Variants in CNOT10 observed in about 807,000 individuals in gnomAD.
CNOT10 encodes the protein CCR4-NOT transcription complex subunit 10.
Under a neutral mutation model 94.6 loss-of-function variants are expected in CNOT10, and 30 were observed. The ratio of observed to expected loss-of-function variants is 0.32; its 90% CI spans 0.24 to 0.43. CNOT10 has a LOEUF of 0.43. CNOT10 is among the 20% of genes least tolerant of loss of function. The pLI is 1.00. For missense variants in CNOT10, 759 were observed against 877.2 expected (o/e 0.87, Z 1.70); for synonymous variants, 289 against 301.6 (o/e 0.96, Z 0.43).
chr3:32,714,235 T>TA (rs2125536047), intron 5 of CNOT10, among the ~76,000 whole-genome samples: 1 of 152,258 alleles, frequency 6.6e-6, no homozygotes, highest in South Asian at 2.1e-4. Flanking sequence ...GGTATCTTGT[T>TA]ACAGTTTTGA....
At chr3:32,734,122 A>C (rs1029373511) in intron 11 of CNOT10, among the ~76,000 whole-genome samples, 5 of 152,210 alleles carry the variant, frequency 3.3e-5, no homozygotes, top group African/African-American at 1.2e-4. Context: ...AAGTTTTTCC[A>C]CAGTTTAAAA....
At chr3:32,717,673 C>T (rs1698183769) in intron 7 of CNOT10, among the ~76,000 whole-genome samples, 1 of 152,082 alleles carries the variant, frequency 6.6e-6, no homozygotes, top group Non-Finnish European at 1.5e-5. Context: ...CAAGACCAGC[C>T]TGGTCAACAT....
chr3:32,724,657 C>T (rs909911212), intron 8 of CNOT10, among the ~76,000 whole-genome samples: 1 of 152,138 alleles, frequency 6.6e-6, no homozygotes, highest in African/African-American at 2.4e-5. Context: ...CGTGATCCGC[C>T]CACCTCGGCC....
intron 13 of CNOT10, among the ~76,000 whole-genome samples, chr3:32,747,546 CTTTTTTTTTTGTCTTTT>C (rs1699753359): frequency 6.8e-6 from 1 of 147,648 alleles, no homozygotes; most frequent in Non-Finnish European, 1.5e-5. Context: ...ATATTTCTTC[CTTTTTTTTTTGTCTTTT>C]ACAAAAAAAT....
At chr3:32,729,664 G>T (rs1186287528) in intron 10 of CNOT10, among the ~76,000 whole-genome samples, 1 of 150,998 alleles carries the variant, frequency 6.6e-6, no homozygotes, top group Non-Finnish European at 1.5e-5. Context: ...GTCTTTGAAA[G>T]ACTTTAATGA....
At chr3:32,704,070 A>G (rs1697500056) in intron 2 of CNOT10, 108 bp downstream of exon 2, 2 of 621,042 alleles carry the variant, frequency 3.2e-6, no homozygotes, top group Admixed American at 3.3e-5. Context: ...AATAATTCAA[A>G]AGTTAATTTA....
At chr3:32,715,078 A>ATAATT (rs1452568453) in intron 5 of CNOT10, among the ~76,000 whole-genome samples, 2 of 152,238 alleles carry the variant, frequency 1.3e-5, no homozygotes, top group East Asian at 1.9e-4. Flanking sequence ...TTGATTAAAT[A>ATAATT]TAATTTAATT....
chr3:32,764,954 A>C, intron 17 of CNOT10, 145 bp downstream of exon 17: 1 of 1,501,660 alleles, frequency 6.7e-7, no homozygotes, highest in Non-Finnish European at 8.9e-7. Context: ...ATATTCTTGC[A>C]AGGTAAACAA....
At chr3:32,718,374 G>A (rs968387776) in intron 7 of CNOT10, among the ~76,000 whole-genome samples, 1 of 149,476 alleles carries the variant, frequency 6.7e-6, no homozygotes, top group African/African-American at 2.5e-5. Flanking sequence ...CACGAGGTCA[G>A]GAGATCGAGA....
rs1700593260 is a variant in CNOT10 at position 32,764,728 on chromosome 3, C to G, written c.1923C>G (p.Ala641=). 2 of 1,614,130 alleles carry G rather than the reference C, an allele frequency of 1.2e-6. No individual in the cohort carries two copies. The highest frequency in any genetic ancestry group is 1.7e-6 in the Non-Finnish European group (2 of 1,180,018). The change falls in exon 17 of 19, where the codon GCC becomes GCG. Residue 641 remains alanine, a synonymous_variant. Coordinates refer to ENST00000328834, the MANE Select transcript of CNOT10 (RefSeq NM_015442.3). ...PQCYPSSVNS[A]RTVMLFNLGS... The stretch of plus-strand genomic sequence containing the variant: ...GCTACCCCAGTTCCGTCAACTCTGC[C>G]AGGACTGTGATGCTGTTCAACCTTG...
At chr3:32,706,977 T>A (rs1166343917) in intron 3 of CNOT10, among the ~76,000 whole-genome samples, 1 of 152,228 alleles carries the variant, frequency 6.6e-6, no homozygotes, top group Non-Finnish European at 1.5e-5. Context: ...AAATTTACAA[T>A]TCATTGTGTG....
chr3:32,739,281 C>G (rs953849633), intron 13 of CNOT10, among the ~76,000 whole-genome samples: 3 of 152,314 alleles, frequency 2.0e-5, no homozygotes, highest in South Asian at 2.1e-4. Context: ...TAGCAATTTA[C>G]ATATTGGATT....
At chr3:32,746,862 T>C (rs541909883) in intron 13 of CNOT10, among the ~76,000 whole-genome samples, 2 of 132,776 alleles carry the variant, frequency 1.5e-5, no homozygotes, top group Non-Finnish European at 1.6e-5. Context: ...AAAAAAGATA[T>C]GCACTCCTAT....
intron 13 of CNOT10, among the ~76,000 whole-genome samples, chr3:32,758,587 A>C (rs1700311574): frequency 6.6e-6 from 1 of 152,236 alleles, no homozygotes. Flanking sequence ...TAATTTGTAA[A>C]CATAACTCAA....
In CNOT10 at chr3:32,734,821, T is replaced by G; in HGVS notation, c.1359T>G (p.Ile453Met). The G allele has an allele frequency of 6.2e-7, 1 of 1,611,296 alleles. No individual in the cohort carries two copies. Among genetic ancestry groups the G allele is most frequent in the Non-Finnish European group, 8.5e-7 (1 of 1,178,126 alleles). ...TAAGTGATGGGCAGTCTTCGGCCAT[T>G]CCTGTAGCCAGTATGGAGTTTGCAG... ...TVYNDGQSSA[I>M]PVASMEFAAI... is the part of the protein sequence containing the mutation. Residue 453 changes from isoleucine (I) to methionine (M), a missense_variant, in exon 12 of 19, where the codon ATT becomes ATG. Coordinates refer to ENST00000328834, the MANE Select transcript of CNOT10 (RefSeq NM_015442.3).
At chr3:32,709,128 A>G (rs930127907) in intron 4 of CNOT10, among the ~76,000 whole-genome samples, 1 of 152,212 alleles carries the variant, frequency 6.6e-6, no homozygotes, top group African/African-American at 2.4e-5. Flanking sequence ...TTACTTTAGT[A>G]CATTAAGGAA....
chr3:32,721,296 A>T (rs1342852017), intron 8 of CNOT10, among the ~76,000 whole-genome samples: 1 of 151,308 alleles, frequency 6.6e-6, no homozygotes, highest in Non-Finnish European at 1.5e-5. Flanking sequence ...TCCTGACCTC[A>T]AGTGACCCGC....
intron 12 of CNOT10, among the ~76,000 whole-genome samples, chr3:32,737,112 G>A (rs762887935): frequency 6.6e-6 from 1 of 152,074 alleles, no homozygotes; most frequent in African/African-American, 2.4e-5. Context: ...TCGGGAGTTC[G>A]AGACCAGCCT....
At chr3:32,736,085 T>A (rs1432240256) in intron 12 of CNOT10, among the ~76,000 whole-genome samples, 1 of 151,476 alleles carries the variant, frequency 6.6e-6, no homozygotes, top group African/African-American at 2.4e-5. Context: ...TTTTGTTTTT[T>A]GTTTGTTTGT....
Sources: allele counts gnomAD v4.1 joint callset (sites outside exome capture counted in the v4.1 genomes callset), GRCh38; gene constraint gnomAD v4.1.1; transcripts MANE v1.5; gene names NCBI Gene and HGNC (gene_info 2026-07-23, HGNC 2026-07-21).